Variants in CDH12 observed in about 807,000 individuals in gnomAD.
The protein encoded by CDH12 is cadherin-12.
CDH12 carries 41 observed loss-of-function variants against 74.1 expected under a neutral mutation model. The observed-to-expected ratio is 0.55, with a 90% CI of 0.43 to 0.72. The LOEUF is 0.72. Among genes scored for constraint, CDH12 ranks in the 30% least tolerant of loss-of-function variants. The pLI is 0.00. For missense variants in CDH12, 945 were observed against 977.2 expected (o/e 0.97, Z 0.44); for synonymous variants, 399 against 355.0 (o/e 1.12, Z -1.39).
intron 13 of CDH12, 125 bp downstream of exon 13, chr5:21,760,433 T>C: frequency 1.5e-6 from 1 of 658,242 alleles, no homozygotes; most frequent in South Asian, 1.8e-5. Flanking sequence ...GAATATTGCC[T>C]TTCTCATGTA....
At chr5:22,545,475 C>T (rs892522579) in intron 1 of CDH12, among the ~76,000 whole-genome samples, 1 of 152,094 alleles carries the variant, frequency 6.6e-6, no homozygotes, top group East Asian at 1.9e-4. Flanking sequence ...TAATATAGAT[C>T]CCTAGATGAT....
intron 5 of CDH12, among the ~76,000 whole-genome samples, chr5:22,044,620 A>AT (rs1739805082): frequency 2.0e-5 from 3 of 152,220 alleles, no homozygotes; most frequent in Admixed American, 2.0e-4. Context: ...GAGCCAAAGT[A>AT]TATCAGAGAA....
intron 1 of CDH12, among the ~76,000 whole-genome samples, chr5:22,838,702 G>T (rs995940230): frequency 2.7e-5 from 4 of 148,886 alleles, no homozygotes; most frequent in African/African-American, 9.9e-5. Context: ...TTGAGATGAG[G>T]TCTCACTCTG....
At chr5:22,413,469 A>G (rs1490596058) in intron 2 of CDH12, among the ~76,000 whole-genome samples, 2 of 151,986 alleles carry the variant, frequency 1.3e-5, no homozygotes, top group Non-Finnish European at 1.5e-5. Flanking sequence ...GACTATACCA[A>G]CATGAAAGTT....
chr5:22,051,597 T>C (rs943105673), intron 5 of CDH12, among the ~76,000 whole-genome samples: 2 of 152,142 alleles, frequency 1.3e-5, no homozygotes, highest in African/African-American at 4.8e-5. Context: ...TAAGTGTTAT[T>C]TTTGATATCT....
intron 1 of CDH12, among the ~76,000 whole-genome samples, chr5:22,535,116 C>T (rs2047727): frequency 0.3 from 43,222 of 144,392 alleles, 8,139 homozygotes; most frequent in Non-Finnish European, 0.43. Flanking sequence ...GGACTACAGA[C>T]GCCTGCCACC....
intron 5 of CDH12, among the ~76,000 whole-genome samples, chr5:21,979,919 C>T (rs1185060118): frequency 2.0e-5 from 3 of 151,644 alleles, no homozygotes; most frequent in Admixed American, 2.0e-4. Context: ...TAAAAGTGTT[C>T]CTATTTCTCC....
chr5:22,558,650 G>C lies in CDH12; in HGVS notation c.-522-53286C>G, dbSNP rs531478949. ...ACCCACAAAAATAAACAAAGAGAGGGGGAAAAAACCATAAAACTTAAGGAA... is the reference window on the plus strand; with the variant it reads ...ACCCACAAAAATAAACAAAGAGAGGCGGAAAAAACCATAAAACTTAAGGAA... On this transcript the variant is annotated intron_variant, in intron 1 of 14. Transcript: ENST00000382254. Among the ~76,000 whole-genome samples the C allele has an allele frequency of 4.6e-5, 7 of 151,446 alleles. No homozygotes were observed. The East Asian group carries it at 1.4e-3, about 29-fold the overall frequency.
intron 11 of CDH12, among the ~76,000 whole-genome samples, chr5:21,772,194 G>A (rs931135724): frequency 2.0e-5 from 3 of 152,016 alleles, no homozygotes; most frequent in Admixed American, 6.6e-5. Flanking sequence ...GTAAGATCAA[G>A]TTCTGTCTTT....
At chr5:22,717,806 C>A (rs1014997765) in intron 1 of CDH12, among the ~76,000 whole-genome samples, 1 of 151,952 alleles carries the variant, frequency 6.6e-6, no homozygotes, top group South Asian at 2.1e-4. Flanking sequence ...ATTGGGGGAC[C>A]ACTTCCTGCC....
chr5:22,530,975 C>T (rs1737558131), intron 1 of CDH12, among the ~76,000 whole-genome samples: 1 of 152,046 alleles, frequency 6.6e-6, no homozygotes, highest in African/African-American at 2.4e-5. Flanking sequence ...TTATATTCTT[C>T]ATTACAGAAC....
intron 1 of CDH12, among the ~76,000 whole-genome samples, chr5:22,650,717 T>C (rs1039631701): frequency 8.6e-5 from 13 of 151,988 alleles, no homozygotes. Flanking sequence ...AAAATGATAT[T>C]GGGTAATGAA....
chr5:22,573,679 T>A (rs1337167942), intron 1 of CDH12, among the ~76,000 whole-genome samples: 1 of 152,216 alleles, frequency 6.6e-6, no homozygotes, highest in African/African-American at 2.4e-5. Flanking sequence ...TTGCATATGC[T>A]GTATGACATG....
intron 3 of CDH12, among the ~76,000 whole-genome samples, chr5:22,308,710 T>C (rs1171702783): frequency 1.3e-5 from 2 of 151,948 alleles, no homozygotes; most frequent in Non-Finnish European, 2.9e-5. Flanking sequence ...GACAAAGCAA[T>C]ATTCCATGTA....
At position 22,077,083 on chromosome 5, in the gene CDH12, T is replaced by C. The variant is rs77282706; in HGVS notation, c.231+1363A>G. Among the ~76,000 whole-genome samples the C allele has an allele frequency of 4.7e-3, 715 of 150,642 alleles. 6 individuals carry two copies. The highest frequency in any genetic ancestry group is 0.016 in the African/African-American group (666 of 41,076). On this transcript the variant is annotated intron_variant, in intron 5 of 14. Transcript: ENST00000382254. ...GTGTGTGTGTGTGTGTGTGTGCGCG[T>C]GTGTATTTGTAAGATCACTGAGACT...
At chr5:22,485,942 G>A (rs1746574011) in intron 2 of CDH12, among the ~76,000 whole-genome samples, 1 of 152,206 alleles carries the variant, frequency 6.6e-6, no homozygotes, top group African/African-American at 2.4e-5. Flanking sequence ...TAGGGTTAAA[G>A]CATTTCTGGT....
intron 1 of CDH12, among the ~76,000 whole-genome samples, chr5:22,840,560 A>T (rs1185327471): frequency 6.6e-6 from 1 of 150,814 alleles, no homozygotes; most frequent in African/African-American, 2.4e-5. Flanking sequence ...TATATTATAC[A>T]TATAATCTGT....
At chr5:21,866,343 G>A (rs10039256) in intron 6 of CDH12, among the ~76,000 whole-genome samples, 3,848 of 152,270 alleles carry the variant, frequency 0.025, 145 homozygotes, top group African/African-American at 0.084. Context: ...AAGAAGACAG[G>A]AAAACGTGGG....
At chr5:22,758,987 C>G (rs768806756) in intron 1 of CDH12, among the ~76,000 whole-genome samples, 6 of 152,092 alleles carry the variant, frequency 3.9e-5, no homozygotes, top group Admixed American at 1.3e-4. Context: ...CAGATATTGT[C>G]TATTTTTTTT....
Sources: gnomAD v4.1 joint callset for allele counts (sites outside exome capture counted in the v4.1 genomes callset) on GRCh38, gnomAD v4.1.1 for gene constraint, MANE v1.5 for transcripts, NCBI Gene and HGNC (gene_info 2026-07-23, HGNC 2026-07-21) for gene names.